The following FRY variants were observed in gnomAD, a reference collection of about 807,000 sequenced individuals.
The protein encoded by FRY is protein furry homolog.
Under a neutral mutation model 348.4 loss-of-function variants are expected in FRY, and 128 were observed. The ratio of observed to expected loss-of-function variants is 0.37; its 90% CI spans 0.32 to 0.43. The LOEUF is 0.43. Among genes scored for constraint, FRY ranks in the 20% least tolerant of loss-of-function variants. The pLI is 1.00. For synonymous variants in FRY, 1,370 were observed against 1,374.7 expected (o/e 1.00, Z 0.08); for missense variants, 2,736 against 3,695.2 (o/e 0.74, Z 6.73).
intron 51 of FRY, 149 bp downstream of exon 51, chr13:32,254,543 A>C: frequency 1.1e-6 from 1 of 905,282 alleles, no homozygotes; most frequent in Non-Finnish European, 1.7e-6. Flanking sequence ...TATTCAAAGT[A>C]CAGCAGCTAA....
chr13:32,062,169 A>G (rs1873977766), intron 1 of FRY, among the ~76,000 whole-genome samples: 1 of 151,872 alleles, frequency 6.6e-6, no homozygotes. Context: ...GCATTAAGGA[A>G]CTTTTTTTTT....
At chr13:32,046,186 A>G (rs1445291155) in intron 1 of FRY, among the ~76,000 whole-genome samples, 1 of 152,170 alleles carries the variant, frequency 6.6e-6, no homozygotes, top group African/African-American at 2.4e-5. Flanking sequence ...TGGGAAAAGG[A>G]TAGAGATAAA....
intron 20 of FRY, 82 bp from the exon 21 acceptor site, chr13:32,178,094 GA>G: frequency 6.9e-7 from 1 of 1,450,624 alleles, no homozygotes; most frequent in Non-Finnish European, 9.7e-7. Flanking sequence ...CACTGTGCAA[GA>G]ATGAGTAGTC....
chr13:32,060,971 C>G (rs562386491), intron 1 of FRY: 2 of 423,146 alleles, frequency 4.7e-6, no homozygotes, highest in African/African-American at 4.1e-5. Context: ...TATAAGGGCC[C>G]TGCATTGTGG....
intron 29 of FRY, among the ~76,000 whole-genome samples, chr13:32,195,775 A>G (rs928386754): frequency 1.3e-5 from 2 of 152,210 alleles, no homozygotes; most frequent in African/African-American, 4.8e-5. Context: ...TTAAGGCATC[A>G]TTGTACACTA....
chr13:32,049,462 CG>C (rs759287707), intron 1 of FRY, among the ~76,000 whole-genome samples: 4 of 148,420 alleles, frequency 2.7e-5, no homozygotes, highest in Non-Finnish European at 6.0e-5. Flanking sequence ...TTTTTTGGGA[CG>C]GAGTCTTGCT....
intron 1 of FRY, among the ~76,000 whole-genome samples, chr13:32,050,294 T>C (rs1372636715): frequency 2.6e-5 from 4 of 152,208 alleles, no homozygotes; most frequent in Non-Finnish European, 5.9e-5. Flanking sequence ...TTTTTACATA[T>C]GACAATCTCT....
intron 18 of FRY, among the ~76,000 whole-genome samples, chr13:32,171,821 G>T (rs961099837): frequency 4.6e-5 from 7 of 152,342 alleles, no homozygotes; most frequent in Non-Finnish European, 8.8e-5. Flanking sequence ...ATAGAAATTG[G>T]TTTTTTCAGA....
At chr13:32,114,280 T>C (rs1878160238) in intron 3 of FRY, among the ~76,000 whole-genome samples, 1 of 152,234 alleles carries the variant, frequency 6.6e-6, no homozygotes, top group Admixed American at 6.5e-5. Flanking sequence ...TTTCCCCTGC[T>C]GCTATAGCAT....
At chr13:32,183,066 G>T (rs1464544203) in intron 24 of FRY, 32 bp downstream of exon 24, 1 of 1,365,776 alleles carries the variant, frequency 7.3e-7, no homozygotes, top group Non-Finnish European at 1.0e-6. Flanking sequence ...ATTAAGGCTT[G>T]GTTTTTTGGA....
intron 25 of FRY, 77 bp downstream of exon 25, chr13:32,184,768 G>A (rs1330571111): frequency 9.5e-7 from 1 of 1,051,150 alleles, no homozygotes; most frequent in East Asian, 2.4e-5. Context: ...TCTCTCTTTT[G>A]TCTTTTCTTT....
chr13:32,055,634 T>G (rs411126), intron 1 of FRY, among the ~76,000 whole-genome samples: 101,216 of 151,988 alleles, frequency 0.67, 33,925 homozygotes, highest in African/African-American at 0.67. Flanking sequence ...CAAAAAATAA[T>G]TGAGTTCAAC....
intron 55 of FRY, among the ~76,000 whole-genome samples, chr13:32,270,481 A>G (rs977253497): frequency 6.6e-6 from 1 of 152,278 alleles, no homozygotes; most frequent in African/African-American, 2.4e-5. Flanking sequence ...TGCTGGGATT[A>G]CAGGCATGCG....
chr13:32,286,930 C>T (rs867829480), intron 58 of FRY, among the ~76,000 whole-genome samples: 5 of 151,360 alleles, frequency 3.3e-5, no homozygotes, highest in African/African-American at 4.9e-5. Context: ...GAGGCCAAGG[C>T]GGGCAGATCA....
At chr13:32,268,106 C>T (rs368989885) in intron 55 of FRY, among the ~76,000 whole-genome samples, 4 of 152,326 alleles carry the variant, frequency 2.6e-5, no homozygotes, top group East Asian at 3.9e-4. Context: ...GCATCTTGCA[C>T]ACAGCTCTCT....
chr13:32,207,363 A>G (rs1884417399), intron 31 of FRY, among the ~76,000 whole-genome samples: 1 of 151,994 alleles, frequency 6.6e-6, no homozygotes, highest in Non-Finnish European at 1.5e-5. Flanking sequence ...CGAACCCCCA[A>G]AGCACTCTGT....
chr13:32,120,767 T>G (rs569619317), intron 4 of FRY, among the ~76,000 whole-genome samples: 1 of 152,376 alleles, frequency 6.6e-6, no homozygotes, highest in African/African-American at 2.4e-5. Flanking sequence ...GTTCAAGTGA[T>G]TCTCCTGCCT....
At chr13:32,241,597 T>C (rs1212022983) in intron 46 of FRY, among the ~76,000 whole-genome samples, 4 of 152,188 alleles carry the variant, frequency 2.6e-5, no homozygotes, top group East Asian at 3.8e-4. Context: ...TGCATAATAA[T>C]GTGAATGTAC....
At chr13:32,159,784 C>T (rs1210363058) in intron 16 of FRY, among the ~76,000 whole-genome samples, 3 of 152,142 alleles carry the variant, frequency 2.0e-5, no homozygotes, top group Non-Finnish European at 4.4e-5. Flanking sequence ...ACTGTTTAAA[C>T]TACTCACTGT....
Sources: gnomAD v4.1 joint callset for allele counts (sites outside exome capture counted in the v4.1 genomes callset) on GRCh38, gnomAD v4.1.1 for gene constraint, MANE v1.5 for transcripts, NCBI Gene and HGNC (gene_info 2026-07-23, HGNC 2026-07-21) for gene names.